Variants in TBL1Y observed in about 807,000 individuals in gnomAD.
TBL1Y encodes transducin beta like 1 Y-linked.
A neutral mutation model predicts 12.0 loss-of-function variants in TBL1Y; 15 were observed. That is an observed-to-expected ratio of 1.25 (90% confidence interval 0.83 to 1.92). The LOEUF (loss-of-function observed/expected upper bound fraction) is 1.92. TBL1Y is among the 40% of genes most tolerant of loss of function. TBL1Y has a pLI of 0.00. For missense variants in TBL1Y, 148 were observed against 116.7 expected, an observed-to-expected ratio of 1.27 and a Z score of -1.24; for synonymous variants, 53 against 42.6, an observed-to-expected ratio of 1.24 and a Z score of -0.95.
intron 13 of TBL1Y, among the ~76,000 whole-genome samples, chrY:7,078,386 T>C (rs1030331614): frequency 5.9e-5 from 2 of 33,954 alleles, no homozygotes; most frequent in South Asian, 1.3e-3. Context: ...ATGAGAGTTC[T>C]TGGTTGGGCA....
chrY:7,011,765 C>T (rs1419241069), intron 4 of TBL1Y, among the ~76,000 whole-genome samples: 3 of 33,793 alleles, frequency 8.9e-5, no homozygotes, highest in African/African-American at 3.5e-4. Flanking sequence ...ATTACGAGTG[C>T]GCAGCTGAAT....
chrY:6,962,925 A>G (rs2012140825), intron 2 of TBL1Y, among the ~76,000 whole-genome samples: 1 of 33,375 alleles, frequency 3.0e-5, no homozygotes, highest in Non-Finnish European at 7.4e-5. Context: ...TGATCTAAGT[A>G]CAATGTAAAA....
chrY:6,982,528 T>G, intron 3 of TBL1Y, among the ~76,000 whole-genome samples: 1 of 33,481 alleles, frequency 3.0e-5, no homozygotes, highest in Non-Finnish European at 7.4e-5. Context: ...TTCTAAGATT[T>G]GAAAGTGGTT....
intron 13 of TBL1Y, among the ~76,000 whole-genome samples, chrY:7,079,946 T>C: frequency 3.1e-5 from 1 of 32,007 alleles, no homozygotes; most frequent in Admixed American, 2.8e-4. Flanking sequence ...TCATGAAGCC[T>C]TTTTTCTAGG....
At chrY:7,062,186 T>G in intron 7 of TBL1Y, among the ~76,000 whole-genome samples, 1 of 32,650 alleles carries the variant, frequency 3.1e-5, no homozygotes, top group Non-Finnish European at 7.5e-5. Flanking sequence ...CTGGAATCTT[T>G]AGGCATGAGA....
chrY:7,036,722 C>T, intron 6 of TBL1Y, among the ~76,000 whole-genome samples: 1 of 33,614 alleles, frequency 3.0e-5, no homozygotes, highest in South Asian at 6.6e-4. Flanking sequence ...AAACCAGCCT[C>T]ACTTGAGAAT....
intron 7 of TBL1Y, among the ~76,000 whole-genome samples, chrY:7,062,761 A>C: frequency 3.0e-5 from 1 of 33,196 alleles, no homozygotes; most frequent in Non-Finnish European, 7.4e-5. Flanking sequence ...TCCCCACTGG[A>C]AATTTCTTGC....
intron 2 of TBL1Y, among the ~76,000 whole-genome samples, chrY:6,957,795 G>A: frequency 3.0e-5 from 1 of 33,555 alleles, no homozygotes; most frequent in Non-Finnish European, 7.4e-5. Flanking sequence ...CAATATTTTG[G>A]TGGGTGACAA....
chrY:7,074,753 G>T, intron 13 of TBL1Y, 133 bp downstream of exon 13: 1 of 173,548 alleles, frequency 5.8e-6, no homozygotes, highest in Non-Finnish European at 1.0e-5. Context: ...TGTCTCAAGT[G>T]AGACTCCTAG....
chrY:6,911,855 C>A, intron 1 of TBL1Y, among the ~76,000 whole-genome samples: 1 of 34,660 alleles, frequency 2.9e-5, no homozygotes. Flanking sequence ...GCCTGGACTT[C>A]ACGTACATCG....
intron 7 of TBL1Y, among the ~76,000 whole-genome samples, chrY:7,062,736 G>C: frequency 6.0e-5 from 2 of 33,129 alleles, no homozygotes. Flanking sequence ...TTGTGTTTTG[G>C]GCTGAGGCTC....
intron 3 of TBL1Y, among the ~76,000 whole-genome samples, chrY:6,993,359 A>G (rs1603035486): frequency 1.7e-4 from 5 of 29,886 alleles, no homozygotes; most frequent in African/African-American, 3.9e-4. Flanking sequence ...TGCATCCCTT[A>G]GAAGCCCTTC....
chrY:7,044,076 T>C, intron 7 of TBL1Y, among the ~76,000 whole-genome samples: 1 of 33,609 alleles, frequency 3.0e-5, no homozygotes, highest in Admixed American at 2.7e-4. Context: ...ATTTTGGTTT[T>C]AAACAACACC....
chrY:7,057,947 C>G lies in TBL1Y; in HGVS notation c.205-5950C>G, dbSNP rs535332646. ...ATCTACATGCTTATTAATTGTCACC[C>G]ACCAAAATATTGACAAAAATCCTGC... On this transcript the variant is annotated intron_variant, in intron 7 of 18. Coordinates refer to ENST00000383032, the MANE Select transcript of TBL1Y (RefSeq NM_033284.2). 1.8e-4 allele frequency among the ~76,000 whole-genome samples: 6 copies of G among 33,799 alleles called. No homozygotes were observed. In the South Asian group the frequency reaches 4.0e-3, roughly 23 times the overall value. The allele number at this position is 33,799 out of a possible 37,273, so 90.7% of individuals were successfully genotyped here. A position where few individuals can be genotyped will look rare whatever the true frequency, so the allele number is the denominator to read the frequency against.
At chrY:7,078,181 A>C in intron 13 of TBL1Y, among the ~76,000 whole-genome samples, 1 of 31,296 alleles carries the variant, frequency 3.2e-5, no homozygotes, top group Non-Finnish European at 7.9e-5. Flanking sequence ...TCTGCAAAGG[A>C]AAAAAAAAAG....
intron 4 of TBL1Y, among the ~76,000 whole-genome samples, chrY:7,018,688 C>T: frequency 3.1e-5 from 1 of 32,375 alleles, no homozygotes; most frequent in African/African-American, 1.2e-4. Context: ...TCAAGCAACC[C>T]CCATGAGCAC....
At chrY:6,958,845 T>C (rs1035804149) in intron 2 of TBL1Y, among the ~76,000 whole-genome samples, 92 of 34,069 alleles carry the variant, frequency 2.7e-3, no homozygotes, top group Admixed American at 0.024. Context: ...CATCTCAGAA[T>C]TGAACAAACG....
At chrY:7,037,904 C>T (rs2124159962) in intron 6 of TBL1Y, among the ~76,000 whole-genome samples, 6 of 34,289 alleles carry the variant, frequency 1.7e-4, no homozygotes, top group Non-Finnish European at 4.4e-4. Context: ...AAAACCAGCA[C>T]GACAGCTGCC....
intron 2 of TBL1Y, among the ~76,000 whole-genome samples, chrY:6,929,474 T>C (rs966396263): frequency 3.0e-5 from 1 of 33,412 alleles, no homozygotes; most frequent in Non-Finnish European, 7.4e-5. Flanking sequence ...GGTGCTGGGA[T>C]TGGGGAGAGG....
Sources: allele counts gnomAD v4.1 joint callset (sites outside exome capture counted in the v4.1 genomes callset), GRCh38; gene constraint gnomAD v4.1.1; transcripts MANE v1.5; gene names NCBI Gene and HGNC (gene_info 2026-07-23, HGNC 2026-07-21).